Variants in EYS observed in about 807,000 individuals in gnomAD.
The protein encoded by EYS is EGF-like photoreceptor maintenance factor.
In EYS, 250 loss-of-function variants were observed where a neutral mutation model predicts 282.1. That is an observed-to-expected ratio of 0.89 (90% CI 0.80 to 0.98). The LOEUF is 0.98. Among genes scored for constraint, EYS ranks in the 50% least tolerant of loss-of-function variants. The pLI, the probability that EYS is intolerant of heterozygous loss-of-function variation, is 0.00. For missense variants in EYS, 4,016 were observed against 3,709.0 expected, an observed-to-expected ratio of 1.08 and a Z score of -2.15; for synonymous variants, 1,355 against 1,282.9, an observed-to-expected ratio of 1.06 and a Z score of -1.20.
rs112186855 is a variant in EYS, at chr6:65,366,778, C to A, written c.1300-13161G>T. Among the ~76,000 whole-genome samples the A allele has an allele frequency of 1.3e-3, 203 of 151,714 alleles. 1 individual carries two copies. The highest frequency in any genetic ancestry group is 4.6e-3 in the African/African-American group (193 of 41,512). On this transcript the variant is annotated intron_variant, in intron 8 of 42. Coordinates refer to ENST00000503581, the MANE Select transcript of EYS (RefSeq NM_001142800.2). ...GTCAAGGTGTCAGCAAGACTGGATT[C>A]TTCTGCAGGTTCTGAGGGGGAAATC...
intron 22 of EYS, among the ~76,000 whole-genome samples, chr6:64,730,196 T>G (rs1771911343): frequency 6.6e-6 from 1 of 152,162 alleles, no homozygotes; most frequent in Admixed American, 6.5e-5. Flanking sequence ...AGGGACTTAT[T>G]AACTGATTTC....
intron 26 of EYS, among the ~76,000 whole-genome samples, chr6:64,485,698 A>C (rs914023708): frequency 4.0e-5 from 6 of 151,516 alleles, no homozygotes; most frequent in Non-Finnish European, 8.9e-5. Context: ...AAGATTGCTA[A>C]CCACCAAATG....
chr6:63,950,890 G>A (rs1351957301), intron 35 of EYS, among the ~76,000 whole-genome samples: 5 of 151,566 alleles, frequency 3.3e-5, no homozygotes, highest in South Asian at 2.1e-4. Flanking sequence ...TGTTTTATCC[G>A]TGAACCCAAA....
chr6:64,432,277 A>T (rs1481126613), intron 28 of EYS, among the ~76,000 whole-genome samples: 1 of 152,086 alleles, frequency 6.6e-6, no homozygotes, highest in Non-Finnish European at 1.5e-5. Context: ...TTGTTGTCTT[A>T]AATCTAAGAC....
intron 22 of EYS, among the ~76,000 whole-genome samples, chr6:64,661,542 A>G (rs1769020377): frequency 1.3e-5 from 2 of 152,142 alleles, no homozygotes; most frequent in African/African-American, 4.8e-5. Flanking sequence ...AATTGACAAG[A>G]AAAAAACAAC....
chr6:64,577,934 T>A (rs1026746055), intron 26 of EYS, among the ~76,000 whole-genome samples: 1 of 152,124 alleles, frequency 6.6e-6, no homozygotes, highest in African/African-American at 2.4e-5. Flanking sequence ...TTCACAAAAT[T>A]GATTATCAAA....
intron 29 of EYS, among the ~76,000 whole-genome samples, chr6:64,321,023 T>A (rs757351960): frequency 1.3e-5 from 2 of 151,778 alleles, no homozygotes; most frequent in Non-Finnish European, 3.0e-5. Context: ...CTCAAAAAAA[T>A]TTTCATACTA....
At chr6:65,231,156 C>CTTTTATATATATACTTTTATATATATA (rs1766771732) in intron 12 of EYS, among the ~76,000 whole-genome samples, 1 of 135,192 alleles carries the variant, frequency 7.4e-6, no homozygotes, top group Non-Finnish European at 1.6e-5. Context: ...TATATATATA[C>CTTTTATATATATACTTTTATATATATA]TTTTATATAT....
At chr6:63,840,235 A>ATTATTATTATTATTATTG (rs112733240) in intron 36 of EYS, among the ~76,000 whole-genome samples, 1 of 145,968 alleles carries the variant, frequency 6.9e-6, no homozygotes, top group African/African-American at 2.5e-5. Flanking sequence ...TATTATTATT[A>ATTATTATTATTATTATTG]TTGTATTTTT....
intron 22 of EYS, among the ~76,000 whole-genome samples, chr6:64,660,319 AC>A (rs1562118568): frequency 5.3e-5 from 8 of 151,944 alleles, no homozygotes; most frequent in African/African-American, 1.5e-4. Context: ...CCCTTTGAAA[AC>A]TGGCACAAGA....
intron 36 of EYS, among the ~76,000 whole-genome samples, chr6:63,845,202 G>A (rs916072127): frequency 1.3e-5 from 2 of 152,118 alleles, no homozygotes; most frequent in Admixed American, 6.6e-5. Context: ...GAAGATGGGG[G>A]AGCATTTATT....
At position 65,200,371 on chromosome 6, in the gene EYS, G is replaced by C. The variant is rs150332035; in HGVS notation, c.2023+95492C>G. 2.2e-3 allele frequency among the ~76,000 whole-genome samples: 336 copies of C among 151,680 alleles called. 19 individuals carry two copies. Among genetic ancestry groups the C allele is most frequent in the African/African-American group, 7.8e-3 (320 of 41,098 alleles). On this transcript the variant is annotated intron_variant, in intron 12 of 42. Coordinates refer to ENST00000503581, the MANE Select transcript of EYS (RefSeq NM_001142800.2). ...ATCAATATTTAAGCCAGAGAATTAAGAGTCATTAGCATATTCAAGAAAGTG... is the reference window on the plus strand; with the variant it reads ...ATCAATATTTAAGCCAGAGAATTAACAGTCATTAGCATATTCAAGAAAGTG...
chr6:63,936,768 TCCTAAATTAA>T (rs1765070752), intron 35 of EYS, among the ~76,000 whole-genome samples: 1 of 152,184 alleles, frequency 6.6e-6, no homozygotes, highest in Admixed American at 6.5e-5. Flanking sequence ...ACAAAAATAT[TCCTAAATTAA>T]CCTACACTAA....
chr6:64,091,276 G>A (rs79747607), intron 31 of EYS, among the ~76,000 whole-genome samples: 15,828 of 151,964 alleles, frequency 0.1, 1,501 homozygotes, highest in African/African-American at 0.26. Context: ...ACACATTGCC[G>A]TTGATTTATA....
chr6:64,666,831 G>T (rs1485557600), intron 22 of EYS, among the ~76,000 whole-genome samples: 1 of 152,088 alleles, frequency 6.6e-6, no homozygotes, highest in African/African-American at 2.4e-5. Context: ...TATTTAATGG[G>T]CTATGTAAGA....
At chr6:64,131,305 T>G (rs1773971047) in intron 31 of EYS, among the ~76,000 whole-genome samples, 1 of 152,278 alleles carries the variant, frequency 6.6e-6, no homozygotes, top group Non-Finnish European at 1.5e-5. Flanking sequence ...GTAAGTCATT[T>G]ATATGCATTG....
At chr6:64,521,284 T>G (rs1160880056) in intron 26 of EYS, among the ~76,000 whole-genome samples, 1 of 151,720 alleles carries the variant, frequency 6.6e-6, no homozygotes, top group Non-Finnish European at 1.5e-5. Flanking sequence ...CAAATTTAAT[T>G]TAGTTTATCA....
intron 30 of EYS, among the ~76,000 whole-genome samples, chr6:64,262,795 T>C (rs1767631799): frequency 6.6e-6 from 1 of 152,046 alleles, no homozygotes; most frequent in African/African-American, 2.4e-5. Context: ...GAACAATTTT[T>C]CCAAGACTTA....
intron 24 of EYS, among the ~76,000 whole-genome samples, chr6:64,594,048 C>G (rs755183346): frequency 2.6e-4 from 39 of 151,920 alleles, no homozygotes; most frequent in Non-Finnish European, 5.4e-4. Flanking sequence ...AAAGACATAC[C>G]TAATAGGCAT....
Sources: gnomAD v4.1 joint callset for allele counts (sites outside exome capture counted in the v4.1 genomes callset) on GRCh38, gnomAD v4.1.1 for gene constraint, MANE v1.5 for transcripts, NCBI Gene and HGNC (gene_info 2026-07-23, HGNC 2026-07-21) for gene names.